The following USB1 variants were observed in gnomAD, a reference collection of about 807,000 sequenced individuals.
USB1 encodes the protein U6 snRNA biogenesis phosphodiesterase 1, also known as U6 snRNA phosphodiesterase 1.
USB1 carries 21 observed loss-of-function variants against 29.9 expected under a neutral mutation model. The ratio of observed to expected loss-of-function variants is 0.70; its 90% CI spans 0.50 to 1.01. USB1 has a LOEUF of 1.01. Ranked by LOEUF, USB1 falls within the 50% of genes least tolerant of loss-of-function variation. The pLI is 0.00. For missense variants in USB1, 330 were observed against 347.1 expected, an observed-to-expected ratio of 0.95 and a Z score of 0.39; for synonymous variants, 143 against 134.9, an observed-to-expected ratio of 1.06 and a Z score of -0.42.
At chr16:58,005,737 A>G (rs548266851) in intron 2 of USB1, among the ~76,000 whole-genome samples, 2 of 152,282 alleles carry the variant, frequency 1.3e-5, no homozygotes, top group East Asian at 1.9e-4. Flanking sequence ...ATGGCTTGCC[A>G]CCCACAACAT....
At chr16:58,005,765 TC>T (rs1963336637) in intron 2 of USB1, among the ~76,000 whole-genome samples, 1 of 152,224 alleles carries the variant, frequency 6.6e-6, no homozygotes, top group African/African-American at 2.4e-5. Context: ...CTTACTTAGT[TC>T]TTCTTTGATT....
Position 58,001,789 on chromosome 16 carries a change from C to G in USB1, c.98+208C>G, listed in dbSNP as rs573614787. On this transcript the variant is annotated intron_variant, in intron 1 of 6. Transcript: ENST00000219281. ...CAGAGTGGCCCCACCTGGCTAGGGC[C>G]AAGTTGGGAGGCCAGACCTGGGTTC... Among the ~76,000 whole-genome samples, 4 of 150,750 alleles carry G rather than the reference C, an allele frequency of 2.7e-5. No homozygotes were observed. The East Asian group carries it at 8.1e-4, about 31-fold the overall frequency.
chr16:58,006,662 G>GA (rs574310472), intron 2 of USB1, among the ~76,000 whole-genome samples: 21 of 148,018 alleles, frequency 1.4e-4, no homozygotes, highest in South Asian at 8.5e-4. Context: ...CTGTCTTGGG[G>GA]AAAAAAAAAA....
At chr16:58,019,087 C>A in intron 6 of USB1, 32 bp downstream of exon 6, 1 of 1,607,468 alleles carries the variant, frequency 6.2e-7, no homozygotes. Context: ...ACAGAGGGCG[C>A]TGAACTCCAG....
intron 3 of USB1, chr16:58,011,952 C>G (rs963579429): frequency 7.6e-6 from 8 of 1,055,802 alleles, no homozygotes; most frequent in Non-Finnish European, 9.1e-6. Flanking sequence ...TAAGAAGCCA[C>G]CCGGCTGATG....
At chr16:58,010,801 G>C (rs956352955) in intron 3 of USB1, 1 of 573,640 alleles carries the variant, frequency 1.7e-6, no homozygotes. Flanking sequence ...TGACCCTGTG[G>C]AGTTGGGAGT....
rs888896006 is a variant in USB1, at chr16:58,001,480, C to T, written c.-4C>T. On this transcript the variant is annotated 5_prime_UTR_variant, in exon 1 of 7. Transcript: ENST00000219281. ...CCTGCTCTGGTGGTCTTGGATGAGG[C>T]CCCATGAGCGCGGCGCCCCTGGTGG... 3 of 1,596,154 alleles carry T rather than the reference C, an allele frequency of 1.9e-6. No homozygotes were observed. The highest frequency in any genetic ancestry group is 1.3e-5 in the African/African-American group (1 of 74,634).
At position 58,021,609 on chromosome 16, in the gene USB1, T is replaced by C. The variant is rs1238139512; in HGVS notation, c.*1364T>C. The C allele has an allele frequency of 6.6e-6, 1 of 152,258 alleles. No individual in the cohort carries two copies. Among genetic ancestry groups the C allele is most frequent in the East Asian group, 1.9e-4 (1 of 5,206 alleles). The allele number at this position is 152,258 out of a possible 1,614,324, so 9.4% of individuals were successfully genotyped here. A position where few individuals can be genotyped will look rare whatever the true frequency, so the allele number is the denominator to read the frequency against. On this transcript the variant is annotated 3_prime_UTR_variant, in exon 7 of 7. Transcript: ENST00000219281. ...GTTCAACAAATAAAAATTGCATTTT[T>C]TATTTTGGATCTTTTTTGGACTACT...
chr16:58,012,876 G>T (rs759901009), intron 3 of USB1: 7 of 986,902 alleles, frequency 7.1e-6, no homozygotes, highest in Non-Finnish European at 8.4e-6. Flanking sequence ...CGAGTCCCTT[G>T]CTGGGACTTA....
intron 3 of USB1, chr16:58,011,026 C>T: frequency 1.4e-6 from 1 of 716,904 alleles, no homozygotes; most frequent in Non-Finnish European, 2.5e-6. Flanking sequence ...AGCCCCCATC[C>T]AGGACCTCAT....
intron 2 of USB1, 135 bp downstream of exon 2, chr16:58,002,780 G>A: frequency 1.6e-6 from 2 of 1,282,858 alleles, no homozygotes; most frequent in Non-Finnish European, 2.2e-6. Flanking sequence ...CATTGACTTA[G>A]CAGAGAAAGA....
chr16:58,003,841 A>T (rs1963290592), intron 2 of USB1, among the ~76,000 whole-genome samples: 1 of 152,138 alleles, frequency 6.6e-6, no homozygotes, highest in African/African-American at 2.4e-5. Context: ...ATTTGAAATA[A>T]TAGTCCTTTA....
Position 58,020,634 on chromosome 16 carries a change from CTCCTCTCTCTCT to C in USB1, c.*397_*408del, listed in dbSNP as rs1392464356. 3.2e-6 allele frequency: 1 copy of C among 315,450 alleles called. No homozygotes were observed. Among genetic ancestry groups the C allele is most frequent in the Non-Finnish European group, 6.1e-6 (1 of 164,390 alleles). The allele number at this position is 315,450 out of a possible 1,614,324, so 19.5% of individuals were successfully genotyped here. A position where few individuals can be genotyped will look rare whatever the true frequency, so the allele number is the denominator to read the frequency against. On this transcript the variant is annotated 3_prime_UTR_variant, in exon 7 of 7. Transcript: ENST00000219281. The stretch of plus-strand genomic sequence containing the variant: ...CTCTCCTCCCCTCCTCTCTCTTCCT[CTCCTCTCTCTCT>C]TCCTCTCCTCTCTCTTCCCTTCCTG...
rs1963733661 is a variant in USB1, at chr16:58,021,250, C to T, written c.*1005C>T. On this transcript the variant is annotated 3_prime_UTR_variant, in exon 7 of 7. Transcript: ENST00000219281. ...TCTCCACTTCTTTCTCCCACTCACC[C>T]CCAGCAAGGTGCCTGGGGAGACTTG... 6.6e-6 allele frequency: 1 copy of T among 152,278 alleles called. No individual in the cohort carries two copies. Among genetic ancestry groups the T allele is most frequent in the African/African-American group, 2.4e-5 (1 of 41,476 alleles). The allele number at this position is 152,278 out of a possible 1,614,324, so 9.4% of individuals were successfully genotyped here.
In USB1 at chr16:58,010,045, G is replaced by A. The variant is rs2142302397; in HGVS notation, c.382G>A (p.Val128Ile). 6.2e-7 allele frequency: 1 copy of A among 1,614,090 alleles called. No homozygotes were observed. The highest frequency in any genetic ancestry group is 8.5e-7 in the Non-Finnish European group (1 of 1,180,024). ...VFHLSLSQSV[V>I]LRHHWILPFV... Reference sequence around the variant, plus strand: ...CCACCTCAGCCTGTCCCAGAGTGTGGTTCTGCGCCACCACTGGATCCTCCC... The same window carrying A: ...CCACCTCAGCCTGTCCCAGAGTGTGATTCTGCGCCACCACTGGATCCTCCC... The change falls in exon 3 of 7, where the codon GTT becomes ATT. Residue 128 changes from valine to isoleucine, a missense_variant. By Grantham distance (29) the Val-to-Ile change is conservative. Coordinates refer to ENST00000219281, the MANE Select transcript of USB1 (RefSeq NM_024598.4).
chr16:58,005,553 T>TA (rs1280459209), intron 2 of USB1, among the ~76,000 whole-genome samples: 1 of 152,206 alleles, frequency 6.6e-6, no homozygotes, highest in Non-Finnish European at 1.5e-5. Context: ...AGGTTATGAT[T>TA]ATAGAGCGAG....
Position 58,020,448 on chromosome 16 carries a change from T to G in USB1, c.*203T>G. 1.6e-6 allele frequency: 1 copy of G among 617,226 alleles called. No homozygotes were observed. Among genetic ancestry groups the G allele is most frequent in the East Asian group, 2.8e-5 (1 of 35,696 alleles). 38.2% of individuals were successfully genotyped at this position (617,226 alleles called of 1,614,324 possible). ...TTTCTCTTCCTCTTCTTTCTCTCTCTTCTCCTCTCTTTCTCTCCTCTGTCT... is the reference window on the plus strand; with the variant it reads ...TTTCTCTTCCTCTTCTTTCTCTCTCGTCTCCTCTCTTTCTCTCCTCTGTCT... On this transcript the variant is annotated 3_prime_UTR_variant, in exon 7 of 7. Coordinates refer to ENST00000219281, the MANE Select transcript of USB1 (RefSeq NM_024598.4).
At chr16:58,018,071 A>G (rs1392779445) in intron 5 of USB1, among the ~76,000 whole-genome samples, 1 of 152,168 alleles carries the variant, frequency 6.6e-6, no homozygotes. Flanking sequence ...TGACCCTCTG[A>G]TACTTCAGGG....
Position 58,020,716 on chromosome 16 carries a change from C to CCTCCTCTCTCTCTTCCT in USB1, c.*478_*479insCTCTCTTCCTCTCCTCT. On this transcript the variant is annotated 3_prime_UTR_variant, in exon 7 of 7. Coordinates refer to ENST00000219281, the MANE Select transcript of USB1 (RefSeq NM_024598.4). ...TCTCTTCCTGTCCTCTATCTCTTCC[C>CCTCCTCTCTCTCTTCCT]CTCCTCTATCTCTTCCTCTCCTCTC... 4.6e-6 allele frequency: 1 copy of CCTCCTCTCTCTCTTCCT among 219,506 alleles called. No homozygotes were observed. Among genetic ancestry groups the CCTCCTCTCTCTCTTCCT allele is most frequent in the Non-Finnish European group, 9.2e-6 (1 of 108,940 alleles). The allele number at this position is 219,506 out of a possible 1,614,324, so 13.6% of individuals were successfully genotyped here.
Sources: allele counts gnomAD v4.1 joint callset (sites outside exome capture counted in the v4.1 genomes callset), GRCh38; gene constraint gnomAD v4.1.1; transcripts MANE v1.5; gene names NCBI Gene and HGNC (gene_info 2026-07-23, HGNC 2026-07-21).